OTOGL: variants seen among roughly 807,000 people sequenced by gnomAD.
The protein encoded by OTOGL is otogelin like.
Under a neutral mutation model 318.5 loss-of-function variants are expected in OTOGL, and 285 were observed. The ratio of observed to expected loss-of-function variants is 0.89; its 90% CI spans 0.81 to 0.99. OTOGL has a LOEUF of 0.99. Among genes scored for constraint, OTOGL ranks in the 50% least tolerant of loss-of-function variants. The probability of loss-of-function intolerance (pLI) is 0.00; values close to 1 mark genes in which losing one functional copy is unlikely to be tolerated. For missense variants in OTOGL, 2,899 were observed against 2,845.6 expected, an observed-to-expected ratio of 1.02 and a Z score of -0.43; for synonymous variants, 987 against 936.5, an observed-to-expected ratio of 1.05 and a Z score of -0.99.
intron 52 of OTOGL, among the ~76,000 whole-genome samples, chr12:80,365,162 A>T (rs1890451890): frequency 6.6e-6 from 1 of 152,068 alleles, no homozygotes; most frequent in Non-Finnish European, 1.5e-5. Flanking sequence ...ATATGTACTG[A>T]TGAGAAATGA....
At chr12:80,285,568 G>A (rs1354398170) in intron 26 of OTOGL, among the ~76,000 whole-genome samples, 1 of 152,042 alleles carries the variant, frequency 6.6e-6, no homozygotes, top group Non-Finnish European at 1.5e-5. Flanking sequence ...GCAATGGTTT[G>A]TAGTTCTTGA....
intron 36 of OTOGL, 97 bp downstream of exon 36, chr12:80,328,841 A>T (rs1466577758): frequency 5.1e-6 from 6 of 1,186,308 alleles, no homozygotes; most frequent in Non-Finnish European, 4.8e-6. Context: ...TTAAACAGAC[A>T]ATCAACTCTC....
intron 1 of OTOGL, among the ~76,000 whole-genome samples, chr12:80,184,140 G>A (rs370555320): frequency 1.4e-4 from 22 of 152,188 alleles, no homozygotes; most frequent in East Asian, 1.9e-4. Flanking sequence ...TTGCATTTCC[G>A]TTTCCTATAC....
At chr12:80,231,988 G>T (rs545328136) in intron 8 of OTOGL, among the ~76,000 whole-genome samples, 124 of 151,920 alleles carry the variant, frequency 8.2e-4, no homozygotes, top group African/African-American at 2.7e-3. Flanking sequence ...GTAATTATTA[G>T]TACTTACTCT....
intron 43 of OTOGL, 32 bp downstream of exon 43, chr12:80,339,296 C>CTTTT (rs764771874): frequency 6.0e-4 from 260 of 433,424 alleles, no homozygotes; most frequent in South Asian, 1.1e-3. Flanking sequence ...TTGATTTCGT[C>CTTTT]TGTTTTTTTT....
intron 1 of OTOGL, among the ~76,000 whole-genome samples, chr12:80,118,863 T>TGG (rs1870320346): frequency 6.7e-6 from 1 of 148,888 alleles, no homozygotes. Flanking sequence ...ATCTTAGATC[T>TGG]GTTTTTTTTT....
At chr12:80,143,887 G>T (rs923389121) in intron 1 of OTOGL, among the ~76,000 whole-genome samples, 1 of 152,040 alleles carries the variant, frequency 6.6e-6, no homozygotes, top group Non-Finnish European at 1.5e-5. Context: ...CTATTCAGGT[G>T]TACTGTTTTT....
At chr12:80,302,915 C>G (rs955587602) in intron 28 of OTOGL, 132 bp downstream of exon 28, 2 of 886,814 alleles carry the variant, frequency 2.3e-6, no homozygotes, top group African/African-American at 3.5e-5. Flanking sequence ...CTAACTCATA[C>G]CCTTGTGAAA....
At position 80,257,873 on chromosome 12, in the gene OTOGL, C is replaced by T. The variant is rs1219582780; in HGVS notation, c.1760C>T (p.Thr587Ile). ...TLSSLFILLK[T>I]TFGLKILFAI... ...TCATCCTTATTTATACTTCTAAAAA[C>T]CACATTTGGTTTAAAGATTCTGTTT... The change falls in exon 18 of 59, where the codon ACC becomes ATC. Residue 587 changes from threonine to isoleucine, a missense_variant. By Grantham distance (89) the Thr-to-Ile change is moderately conservative (BLOSUM62 -1). Around this residue, in one of 3 missense-constraint regions of OTOGL, gnomAD observed 2,607 missense variants for 2,524.9 expected, o/e 1.03. Coordinates refer to ENST00000547103, the MANE Select transcript of OTOGL (RefSeq NM_001378609.3). The T allele has an allele frequency of 1.3e-6, 2 of 1,592,958 alleles. No individual in the cohort carries two copies. The highest frequency in any genetic ancestry group is 1.3e-5 in the African/African-American group (1 of 74,548).
intron 11 of OTOGL, among the ~76,000 whole-genome samples, chr12:80,249,745 C>CG (rs1881318381): frequency 2.0e-5 from 3 of 152,162 alleles, no homozygotes; most frequent in African/African-American, 7.2e-5. Flanking sequence ...TGGGCGATGG[C>CG]GGGCGCCCCT....
intron 1 of OTOGL, among the ~76,000 whole-genome samples, chr12:80,135,475 G>A (rs894490064): frequency 4.6e-5 from 7 of 151,822 alleles, no homozygotes; most frequent in South Asian, 2.1e-4. Flanking sequence ...GTTTCACCAC[G>A]TTTGTCAGGC....
intron 1 of OTOGL, among the ~76,000 whole-genome samples, chr12:80,103,621 T>C (rs1379982230): frequency 5.3e-5 from 8 of 152,226 alleles, no homozygotes; most frequent in Admixed American, 5.2e-4. Context: ...GAATGCAGGT[T>C]CCATAAAAGC....
chr12:80,284,157 C>T (rs1335680494), intron 26 of OTOGL, among the ~76,000 whole-genome samples: 3 of 152,064 alleles, frequency 2.0e-5, no homozygotes, highest in African/African-American at 4.8e-5. Flanking sequence ...CATTAGTTTG[C>T]TGAGAATGAT....
At chr12:80,365,178 T>C (rs927198325) in intron 52 of OTOGL, among the ~76,000 whole-genome samples, 3 of 151,998 alleles carry the variant, frequency 2.0e-5, no homozygotes, top group African/African-American at 7.2e-5. Flanking sequence ...AATGAAAACA[T>C]ATGTCCACAT....
chr12:80,270,084 CTATT>C lies in OTOGL; in HGVS notation c.2466-11_2466-8del, dbSNP rs755719350. ...CAACAGATTTGGTTCCATAAATTAA[CTATT>C]TATTTACTTCTAGCCAGTGTTCAAA... is the stretch of plus-strand genomic sequence containing the variant. On this transcript the variant is annotated splice_polypyrimidine_tract_variant and intron_variant, in intron 22 of 58. Transcript: ENST00000547103. The C allele has an allele frequency of 3.2e-6, 5 of 1,542,442 alleles. No individual in the cohort carries two copies. The highest frequency in any genetic ancestry group is 4.4e-6 in the Non-Finnish European group (5 of 1,127,550).
At chr12:80,164,881 A>G (rs1252441525) in intron 1 of OTOGL, among the ~76,000 whole-genome samples, 1 of 152,156 alleles carries the variant, frequency 6.6e-6, no homozygotes, top group African/African-American at 2.4e-5. Context: ...GCAAATATAT[A>G]CATAATGATT....
In OTOGL at chr12:80,336,777, ATTTC is replaced by A. The variant is rs1565994368; in HGVS notation, c.4744-16_4744-13del. ...AAAGTCAAATAATGCATTTAAAAGT[ATTTC>A]TTTTTTTTTTTCCAGAATGGAAACT... is the stretch of plus-strand genomic sequence containing the variant. On this transcript the variant is annotated splice_polypyrimidine_tract_variant and intron_variant, in intron 40 of 58. Coordinates refer to ENST00000547103, the MANE Select transcript of OTOGL (RefSeq NM_001378609.3). The A allele has an allele frequency of 2.7e-6, 4 of 1,495,766 alleles. No individual in the cohort carries two copies. Among genetic ancestry groups the A allele is most frequent in the Admixed American group, 4.1e-5 (2 of 48,474 alleles). 92.7% of individuals were successfully genotyped at this position (1,495,766 alleles called of 1,614,324 possible). A position where few individuals can be genotyped will look rare whatever the true frequency, so the allele number is the denominator to read the frequency against.
intron 42 of OTOGL, among the ~76,000 whole-genome samples, chr12:80,338,018 C>A (rs1403981718): frequency 6.6e-6 from 1 of 152,030 alleles, no homozygotes; most frequent in Non-Finnish European, 1.5e-5. Context: ...ATGAACTCAT[C>A]ACTGATCATT....
intron 29 of OTOGL, among the ~76,000 whole-genome samples, chr12:80,309,463 G>A (rs1416221067): frequency 6.6e-6 from 1 of 152,176 alleles, no homozygotes; most frequent in Admixed American, 6.5e-5. Context: ...CAAGAGGCTG[G>A]AGAGAGTGTG....
Sources: gnomAD v4.1 joint callset for allele counts (sites outside exome capture counted in the v4.1 genomes callset) on GRCh38, gnomAD v4.1.1 for gene constraint, gnomAD v4.1.1 regional missense constraint, MANE v1.5 for transcripts, NCBI Gene and HGNC (gene_info 2026-07-23, HGNC 2026-07-21) for gene names.